Variants in RUNX1 observed in about 807,000 individuals in gnomAD.
RUNX1 encodes RUNX family transcription factor 1, also known as runt-related transcription factor 1.
A neutral mutation model predicts 42.8 loss-of-function variants in RUNX1; 19 were observed. The ratio of observed to expected loss-of-function variants is 0.44; its 90% confidence interval spans 0.31 to 0.65. The LOEUF (loss-of-function observed/expected upper bound fraction) is 0.65, where lower values mean the gene tolerates loss of function less well. Among genes scored for constraint, RUNX1 ranks in the 30% least tolerant of loss-of-function variants. The pLI is 0.07. For synonymous variants in RUNX1, 271 were observed against 289.4 expected (o/e 0.94, Z 0.64); for missense variants, 528 against 672.0 (o/e 0.79, Z 2.37).
chr21:34,818,343 G>T (rs2056860172), intron 7 of RUNX1, among the ~76,000 whole-genome samples: 1 of 152,236 alleles, frequency 6.6e-6, no homozygotes, highest in South Asian at 2.1e-4. Flanking sequence ...CCAAAAGTAA[G>T]GAGAAGTTTA....
At chr21:34,998,240 A>ATTTT (rs2059011468) in intron 2 of RUNX1, among the ~76,000 whole-genome samples, 1 of 152,126 alleles carries the variant, frequency 6.6e-6, no homozygotes, top group Admixed American at 6.6e-5. Flanking sequence ...GAAGAGGAAA[A>ATTTT]GCAGGGGGCT....
Position 34,798,488 on chromosome 21 carries a change from G to A in RUNX1, c.967+813C>T, listed in dbSNP as rs560970496. ...CCATGACACCTGAGTTTTTCACGCT[G>A]TTCCTCTGGCCTCTGTATGAACAGC... On this transcript the variant is annotated intron_variant, in intron 8 of 8. Coordinates refer to ENST00000675419, the MANE Select transcript of RUNX1 (RefSeq NM_001754.5). Among the ~76,000 whole-genome samples, 130 of 152,258 alleles carry A rather than the reference G, an allele frequency of 8.5e-4. 1 individual carries two copies. Among genetic ancestry groups the A allele is most frequent in the Non-Finnish European group, 1.6e-3 (109 of 68,020 alleles).
chr21:34,959,843 C>A (rs2058670648), intron 2 of RUNX1, among the ~76,000 whole-genome samples: 1 of 152,240 alleles, frequency 6.6e-6, no homozygotes, highest in African/African-American at 2.4e-5. Context: ...GGGAACCCAT[C>A]AGTACTGAGG....
chr21:35,003,293 G>A (rs1284520005), intron 2 of RUNX1, among the ~76,000 whole-genome samples: 1 of 152,202 alleles, frequency 6.6e-6, no homozygotes, highest in Non-Finnish European at 1.5e-5. Context: ...GACTTTGGCT[G>A]GGTGAGAGCA....
chr21:34,793,223 C>T (rs533778521), intron 8 of RUNX1, among the ~76,000 whole-genome samples: 3 of 151,684 alleles, frequency 2.0e-5, no homozygotes, highest in Admixed American at 6.6e-5. Flanking sequence ...CCCAGGAGGA[C>T]GGGGATCAGG....
At chr21:34,954,754 T>C (rs1233329338) in intron 2 of RUNX1, among the ~76,000 whole-genome samples, 1 of 152,102 alleles carries the variant, frequency 6.6e-6, no homozygotes, top group Non-Finnish European at 1.5e-5. Flanking sequence ...GGGAGCAGCC[T>C]GGGACCCTGA....
chr21:35,020,030 G>C (rs890001251), intron 2 of RUNX1, among the ~76,000 whole-genome samples: 2 of 152,002 alleles, frequency 1.3e-5, no homozygotes, highest in African/African-American at 4.8e-5. Context: ...TTGGGTCTTA[G>C]GGTTTCCCAA....
rs947534893 is a variant in RUNX1, at chr21:34,858,006, A to C, written c.613+1468T>G. 1.2e-4 allele frequency among the ~76,000 whole-genome samples: 19 copies of C among 152,228 alleles called. 1 individual carries two copies. Among genetic ancestry groups the C allele is most frequent in the Non-Finnish European group, 2.9e-5 (2 of 68,040 alleles). On this transcript the variant is annotated intron_variant, in intron 6 of 8. Transcript: ENST00000675419. ...AGCTGAGAGGGCCCTCTGGGGAAAA[A>C]TGCAGTCAGATCTGGAGGGAGTCAC... is the stretch of plus-strand genomic sequence containing the variant.
chr21:34,999,502 T>A (rs1239921739), intron 2 of RUNX1, among the ~76,000 whole-genome samples: 1 of 152,210 alleles, frequency 6.6e-6, no homozygotes. Flanking sequence ...TGACCCCTGA[T>A]CTTTCCAAAC....
At chr21:35,022,780 G>A (rs951811732) in intron 2 of RUNX1, among the ~76,000 whole-genome samples, 8 of 151,790 alleles carry the variant, frequency 5.3e-5, no homozygotes, top group Admixed American at 4.6e-4. Context: ...CCGTAATCCC[G>A]GCTACTCAGG....
intron 6 of RUNX1, among the ~76,000 whole-genome samples, chr21:34,858,461 T>C (rs1283740149): frequency 6.6e-6 from 1 of 152,182 alleles, no homozygotes; most frequent in Non-Finnish European, 1.5e-5. Flanking sequence ...TATCCCCATT[T>C]TACAGAAGAG....
Position 34,887,137 on chromosome 21 carries a change from C to T in RUNX1, c.98-41G>A, listed in dbSNP as rs369215457. The T allele has an allele frequency of 4.3e-5, 69 of 1,597,700 alleles. No individual in the cohort carries two copies. In the Admixed American group the frequency reaches 5.3e-4, roughly 12 times the overall value. ...TCACAACAAGCCGATTGAGTTAGGACCCTGCAAACAGCTCCTACCAGACGG... is the reference window on the plus strand; with the variant it reads ...TCACAACAAGCCGATTGAGTTAGGATCCTGCAAACAGCTCCTACCAGACGG... On this transcript the variant is annotated intron_variant, in intron 3 of 8. Transcript: ENST00000675419.
At chr21:34,889,697 G>A (rs1246399656) in intron 3 of RUNX1, 22 of 1,173,516 alleles carry the variant, frequency 1.9e-5, no homozygotes, top group Non-Finnish European at 2.3e-5. Context: ...CGTGCGGGCG[G>A]CCGCTTCCCC....
At chr21:34,884,943 T>C (rs2057959111) in intron 4 of RUNX1, among the ~76,000 whole-genome samples, 3 of 152,228 alleles carry the variant, frequency 2.0e-5, no homozygotes, top group African/African-American at 7.2e-5. Context: ...AAAAGGAAAC[T>C]CTATGGTTAT....
chr21:34,983,481 T>C (rs913045576), intron 2 of RUNX1, among the ~76,000 whole-genome samples: 1 of 152,210 alleles, frequency 6.6e-6, no homozygotes, highest in African/African-American at 2.4e-5. Flanking sequence ...TATCAGAACA[T>C]CTAACAGCAT....
chr21:34,823,460 T>TTTTC (rs1214736427), intron 7 of RUNX1, among the ~76,000 whole-genome samples: 1 of 128,240 alleles, frequency 7.8e-6, no homozygotes, highest in African/African-American at 3.1e-5. Context: ...TTTTTTTTTT[T>TTTTC]CAGATGGAGT....
At chr21:34,983,468 G>C (rs1440405756) in intron 2 of RUNX1, among the ~76,000 whole-genome samples, 1 of 151,944 alleles carries the variant, frequency 6.6e-6, no homozygotes, top group Non-Finnish European at 1.5e-5. Context: ...TTGATTTTTG[G>C]GTTATCAGAA....
intron 2 of RUNX1, among the ~76,000 whole-genome samples, chr21:35,011,720 C>T (rs1459527004): frequency 6.6e-6 from 1 of 152,198 alleles, no homozygotes; most frequent in Admixed American, 6.5e-5. Flanking sequence ...CATTTATCAT[C>T]ATGAAACAGA....
intron 2 of RUNX1, among the ~76,000 whole-genome samples, chr21:34,971,515 A>G (rs2058763410): frequency 6.6e-6 from 1 of 151,618 alleles, no homozygotes; most frequent in African/African-American, 2.4e-5. Context: ...CCATCCATCC[A>G]TCCATCCATC....
Sources: allele counts gnomAD v4.1 joint callset (sites outside exome capture counted in the v4.1 genomes callset), GRCh38; gene constraint gnomAD v4.1.1; transcripts MANE v1.5; gene names NCBI Gene and HGNC (gene_info 2026-07-23, HGNC 2026-07-21).